NBPF9: variants seen among roughly 807,000 people sequenced by gnomAD.
NBPF9 encodes NBPF member 9, also known as NBPF family member NBPF9.
NBPF9 carries 91 observed loss-of-function variants against 97.8 expected under a neutral mutation model. The observed-to-expected ratio is 0.93, with a 90% CI of 0.79 to 1.11. The LOEUF (loss-of-function observed/expected upper bound fraction) is 1.11, where lower values mean the gene tolerates loss of function less well. Among genes scored for constraint, NBPF9 ranks in the 50% least tolerant of loss-of-function variants. The pLI is 0.00. For synonymous variants in NBPF9, 334 were observed against 359.5 expected (o/e 0.93, Z 0.80); for missense variants, 992 against 939.5 (o/e 1.06, Z -0.73).
chr1:149,099,123 G>A (rs1350508646), intron 3 of NBPF9, among the ~76,000 whole-genome samples: 4 of 152,104 alleles, frequency 2.6e-5, no homozygotes, highest in South Asian at 4.1e-4. Context: ...AGTAATACTT[G>A]AGGCAGATCT....
intron 4 of NBPF9, among the ~76,000 whole-genome samples, chr1:149,098,138 G>C (rs1421848572): frequency 3.3e-5 from 5 of 149,506 alleles, no homozygotes; most frequent in African/African-American, 1.2e-4. Flanking sequence ...AGAATGGGGG[G>C]TAAGAGGGGA....
chr1:149,070,831 A>C, intron 16 of NBPF9, 103 bp downstream of exon 16: 2 of 1,429,340 alleles, frequency 1.4e-6, no homozygotes, highest in Admixed American at 1.7e-5. Context: ...GAAACCCATC[A>C]CAGTTTTTTA....
At chr1:149,101,012 G>A (rs1553245386) in intron 3 of NBPF9, among the ~76,000 whole-genome samples, 75 of 145,814 alleles carry the variant, frequency 5.1e-4, no homozygotes, top group South Asian at 6.8e-4. Context: ...ATACTCCTAG[G>A]TTAGGCATTG....
chr1:149,067,810 C>A (rs1468032004), intron 17 of NBPF9, among the ~76,000 whole-genome samples: 1 of 144,582 alleles, frequency 6.9e-6, no homozygotes, highest in Non-Finnish European at 1.5e-5. Context: ...ATTTATAATC[C>A]TTTGGGTATA....
At chr1:149,079,379 G>A (rs1235334485) in intron 8 of NBPF9, among the ~76,000 whole-genome samples, 158 bp from the exon 9 acceptor site, 2 of 151,828 alleles carry the variant, frequency 1.3e-5, no homozygotes, top group African/African-American at 2.4e-5. Context: ...AGAAAGAATA[G>A]AAAATGGTTT....
intron 13 of NBPF9, among the ~76,000 whole-genome samples, chr1:149,073,428 G>T (rs320824): frequency 7.3e-6 from 1 of 136,486 alleles, no homozygotes; most frequent in East Asian, 3.2e-4. Flanking sequence ...GGAGGTGATT[G>T]TCACTAAGGG....
chr1:149,063,114 C>T (rs587758776), intron 20 of NBPF9, among the ~76,000 whole-genome samples: 2 of 144,182 alleles, frequency 1.4e-5, no homozygotes, highest in East Asian at 4.1e-4. Flanking sequence ...GGGTAAAATT[C>T]CCTATTCTGG....
At chr1:149,062,161 C>T (rs782191464) in exon 22 of NBPF9, 9 of 942,988 alleles carry the variant, frequency 9.5e-6, no homozygotes, top group African/African-American at 3.4e-5. Context: ...GTAGGGCTGG[C>T]CTAAGTCAGG....
chr1:149,098,931 T>C (rs1185645730), intron 3 of NBPF9, among the ~76,000 whole-genome samples: 2 of 133,154 alleles, frequency 1.5e-5, no homozygotes, highest in African/African-American at 2.9e-5. Flanking sequence ...AAATGAAAAA[T>C]TGGCCCAGCA....
intron 24 of NBPF9, chr1:149,060,233 CAA>C (rs1337173497): frequency 4.8e-6 from 1 of 209,854 alleles, no homozygotes; most frequent in Non-Finnish European, 9.0e-6. Context: ...ACCCTTGAGT[CAA>C]AATCATAGTT....
At chr1:149,090,041 A>G (rs1426609125) in intron 5 of NBPF9, among the ~76,000 whole-genome samples, 1 of 151,686 alleles carries the variant, frequency 6.6e-6, no homozygotes, top group Non-Finnish European at 1.5e-5. Context: ...TTTTCAATAA[A>G]CCTGCCTGAA....
intron 10 of NBPF9, 47 bp from the exon 11 acceptor site, chr1:149,077,466 G>C (rs1553654839): frequency 6.2e-7 from 1 of 1,601,910 alleles, no homozygotes. Flanking sequence ...AAACACAGAG[G>C]GATTGGACCC....
chr1:149,077,798 C>A (rs2080028592), intron 10 of NBPF9, 85 bp downstream of exon 10: 1 of 1,575,798 alleles, frequency 6.3e-7, no homozygotes, highest in Non-Finnish European at 8.7e-7. Context: ...GGCTTTTGGC[C>A]CACCATAGAT....
rs587715743 is a variant in NBPF9 at position 149,074,166 on chromosome 1, C to T, written c.989-296G>A. On this transcript the variant is annotated intron_variant, in intron 12 of 29. Transcript: ENST00000584027. ...AGTCCCTGAGGTCTGACTCTGAATG[C>T]GGGGCCACTTTCCCAAGCTTTGCAG... Among the ~76,000 whole-genome samples the T allele has an allele frequency of 1.6e-4, 24 of 151,488 alleles. 1 individual carries two copies. The highest frequency in any genetic ancestry group is 5.8e-4 in the East Asian group (3 of 5,170).
intron 1 of NBPF9, 68 bp downstream of exon 1, chr1:149,103,233 G>C (rs2082269139): frequency 6.7e-6 from 1 of 149,206 alleles, no homozygotes; most frequent in Admixed American, 6.6e-5. Flanking sequence ...GACAGCCGCA[G>C]CTCGACCCAG....
chr1:149,055,891 C>A (rs1389916653), exon 30 of NBPF9: 3 of 1,611,358 alleles, frequency 1.9e-6, no homozygotes, highest in African/African-American at 2.7e-5. Context: ...CATCAGCACG[C>A]CGTTGAGCCT....
chr1:149,076,356 C>A lies in NBPF9; in HGVS notation c.779-492G>T, dbSNP rs1240877451. 2.6e-5 allele frequency among the ~76,000 whole-genome samples: 4 copies of A among 151,000 alleles called. 1 individual carries two copies. Among genetic ancestry groups the A allele is most frequent in the Non-Finnish European group, 5.9e-5 (4 of 67,570 alleles). On this transcript the variant is annotated intron_variant, in intron 11 of 29. Coordinates refer to ENST00000584027, the Ensembl canonical transcript of NBPF9. ...GGGATTACAAGGGCCAAGTAACATGCCAGCTAATTTTTGTATTTTTAGTAG... is the reference window on the plus strand; with the variant it reads ...GGGATTACAAGGGCCAAGTAACATGACAGCTAATTTTTGTATTTTTAGTAG...
chr1:149,082,010 G>A (rs1553666789), exon 7 of NBPF9: 1 of 1,607,926 alleles, frequency 6.2e-7, no homozygotes, highest in Non-Finnish European at 8.5e-7. Context: ...AGTTGAGTTA[G>A]AAAACATCTC....
chr1:149,073,237 C>T (rs1481553763), intron 13 of NBPF9, among the ~76,000 whole-genome samples: 8 of 146,788 alleles, frequency 5.5e-5, no homozygotes, highest in African/African-American at 2.0e-4. Flanking sequence ...CTCACTCTGG[C>T]CATGGACATT....
Sources: allele counts gnomAD v4.1 joint callset (sites outside exome capture counted in the v4.1 genomes callset), GRCh38; gene constraint gnomAD v4.1.1; transcripts MANE v1.5; gene names NCBI Gene and HGNC (gene_info 2026-07-23, HGNC 2026-07-21).